Variants in FAM135A observed in about 807,000 individuals in gnomAD.
FAM135A encodes the protein protein FAM135A.
In FAM135A, 79 loss-of-function variants were observed where a neutral mutation model predicts 146.8. The ratio of observed to expected loss-of-function variants is 0.54; its 90% CI spans 0.45 to 0.65. The LOEUF is 0.65. FAM135A is among the 30% of genes least tolerant of loss of function. FAM135A has a pLI of 0.00. For missense variants in FAM135A, 1,623 were observed against 1,758.2 expected, an observed-to-expected ratio of 0.92 and a Z score of 1.38; for synonymous variants, 562 against 603.6, an observed-to-expected ratio of 0.93 and a Z score of 1.01.
intron 10 of FAM135A, chr6:70,486,232 G>A: frequency 1.9e-6 from 3 of 1,613,646 alleles, no homozygotes; most frequent in Non-Finnish European, 2.5e-6. Flanking sequence ...AACACAGAAA[G>A]ACAACCATCT....
At chr6:70,538,533 A>C (rs1438149948) in intron 20 of FAM135A, 132 bp downstream of exon 20, 2 of 450,652 alleles carry the variant, frequency 4.4e-6, no homozygotes, top group Non-Finnish European at 7.6e-6. Flanking sequence ...ATTTCCTAAT[A>C]ATGAAACAGC....
At chr6:70,492,275 A>G (rs958878431) in intron 11 of FAM135A, among the ~76,000 whole-genome samples, 4 of 151,844 alleles carry the variant, frequency 2.6e-5, no homozygotes, top group African/African-American at 4.8e-5. Context: ...TATTAACATC[A>G]GGGTCTATAA....
Position 70,525,460 on chromosome 6 carries a change from G to A in FAM135A, c.2376G>A (p.Val792=), listed in dbSNP as rs761056435. 1.9e-6 allele frequency: 3 copies of A among 1,613,190 alleles called. No homozygotes were observed. Among genetic ancestry groups the A allele is most frequent in the South Asian group, 2.2e-5 (2 of 90,924 alleles). ...ACACTGATTTAGTCTTTGAAACTGT[G>A]CAAGGGCAAGGTCCTTGCAATAGTG... The part of the protein sequence containing the change: ...HPNTDLVFET[V]QGQGPCNSER... The change falls in exon 15 of 22, where the codon GTG becomes GTA. Residue 792 remains valine (V), a synonymous_variant. Coordinates refer to ENST00000418814, the MANE Select transcript of FAM135A (RefSeq NM_001162529.3).
At chr6:70,518,533 A>G (rs571963230) in intron 12 of FAM135A, among the ~76,000 whole-genome samples, 1 of 152,360 alleles carries the variant, frequency 6.6e-6, no homozygotes, top group East Asian at 1.9e-4. Context: ...AGAAAATGCC[A>G]TCTAGGACTT....
intron 15 of FAM135A, among the ~76,000 whole-genome samples, chr6:70,526,924 C>T (rs892558170): frequency 4.0e-5 from 6 of 151,628 alleles, no homozygotes; most frequent in Non-Finnish European, 7.4e-5. Context: ...CATAATATAC[C>T]CTTGGCCAGA....
chr6:70,545,992 C>T (rs9446262), intron 20 of FAM135A, among the ~76,000 whole-genome samples: 2 of 151,824 alleles, frequency 1.3e-5, no homozygotes, highest in East Asian at 1.9e-4. Flanking sequence ...TTTAAAATTA[C>T]GTTGTAGAGA....
In FAM135A at chr6:70,536,269, A is replaced by T; in HGVS notation, c.3975A>T (p.Gly1325=). The T allele has an allele frequency of 6.2e-7, 1 of 1,604,994 alleles. No individual in the cohort carries two copies. The highest frequency in any genetic ancestry group is 8.5e-7 in the Non-Finnish European group (1 of 1,177,510). ...TTTTTTCCTCTTAAAGCTTTATTGGACATTCGTTGGGCAATTTAATAATTC... is the reference window on the plus strand; with the variant it reads ...TTTTTTCCTCTTAAAGCTTTATTGGTCATTCGTTGGGCAATTTAATAATTC... The part of the protein sequence containing the change: ...SLTVSKISFI[G]HSLGNLIIRS... Residue 1325 remains glycine (G), a synonymous_variant, in exon 19 of 22, where the codon GGA becomes GGT. Transcript: ENST00000418814.
chr6:70,475,261 A>G (rs768462476), intron 5 of FAM135A, 149 bp from the exon 6 acceptor site: 13 of 584,208 alleles, frequency 2.2e-5, no homozygotes, highest in Non-Finnish European at 3.6e-5. Flanking sequence ...AAATAAGTAA[A>G]CTTTCAGAAA....
chr6:70,480,912 C>T lies in FAM135A; in HGVS notation c.554C>T (p.Pro185Leu), dbSNP rs1783577319. 1 of 1,610,112 alleles carries T rather than the reference C, an allele frequency of 6.2e-7. No homozygotes were observed. The stretch of plus-strand genomic sequence containing the variant: ...ACTTCTTCCTCCAGCTTTCCTCGCC[C>T]TGTGAAGACAACTTGGTTAAATAGA... ...LHQPLISFPR[P>L]VKTTWLNRNA... The change falls in exon 9 of 22, where the codon CCT (proline) becomes CTT (leucine). Residue 185 changes from proline (P) to leucine (L), a missense_variant. By Grantham distance (98) the Pro-to-Leu change is moderately conservative (BLOSUM62 -3). Around this residue, in one of 7 missense-constraint regions of FAM135A, gnomAD observed 206 missense variants for 194.7 expected, o/e 1.06. Coordinates refer to ENST00000418814, the MANE Select transcript of FAM135A (RefSeq NM_001162529.3).
chr6:70,513,047 A>G (rs1442932389), intron 12 of FAM135A, among the ~76,000 whole-genome samples: 1 of 151,448 alleles, frequency 6.6e-6, no homozygotes, highest in East Asian at 1.9e-4. Flanking sequence ...GACTCTATGG[A>G]ATTGCCTTAA....
intron 8 of FAM135A, among the ~76,000 whole-genome samples, chr6:70,480,166 T>G (rs1783438866): frequency 6.6e-6 from 1 of 152,208 alleles, no homozygotes; most frequent in Non-Finnish European, 1.5e-5. Context: ...TGCTTCTTCC[T>G]CTATGGAATA....
At chr6:70,440,615 G>A (rs1774236446) in intron 4 of FAM135A, among the ~76,000 whole-genome samples, 1 of 152,196 alleles carries the variant, frequency 6.6e-6, no homozygotes, top group Non-Finnish European at 1.5e-5. Context: ...TTGAACCTGG[G>A]AGGCAGAGGT....
At chr6:70,478,336 T>A (rs534619673) in intron 8 of FAM135A, among the ~76,000 whole-genome samples, 1 of 152,332 alleles carries the variant, frequency 6.6e-6, no homozygotes, top group East Asian at 1.9e-4. Flanking sequence ...AGCAGATGGA[T>A]GCTTCAAATC....
intron 5 of FAM135A, among the ~76,000 whole-genome samples, chr6:70,471,021 T>C (rs1781521252): frequency 6.6e-6 from 1 of 152,198 alleles, no homozygotes; most frequent in Admixed American, 6.5e-5. Context: ...TCTAAGAATA[T>C]GGGGATAAAA....
intron 12 of FAM135A, chr6:70,504,203 T>G (rs1054145561): frequency 1.3e-5 from 2 of 152,218 alleles, no homozygotes; most frequent in Non-Finnish European, 2.9e-5. Flanking sequence ...GGCTTTAATT[T>G]GCATTTCTCT....
At chr6:70,480,245 G>A (rs780586840) in intron 8 of FAM135A, among the ~76,000 whole-genome samples, 1 of 151,392 alleles carries the variant, frequency 6.6e-6, no homozygotes, top group Non-Finnish European at 1.5e-5. Flanking sequence ...CTGGAGGCTG[G>A]AGGATTGCTT....
intron 5 of FAM135A, among the ~76,000 whole-genome samples, chr6:70,462,396 G>A (rs17634619): frequency 0.14 from 21,351 of 152,120 alleles, 1,922 homozygotes; most frequent in Middle Eastern, 0.23. Flanking sequence ...ACAATATAAG[G>A]TTGCCAAAAT....
At chr6:70,523,788 A>C (rs189594577) in intron 13 of FAM135A, among the ~76,000 whole-genome samples, 179 bp from the exon 14 acceptor site, 16 of 152,290 alleles carry the variant, frequency 1.1e-4, no homozygotes, top group Admixed American at 1.0e-3. Context: ...TATTGCCAAC[A>C]AACTATCATT....
Position 70,452,577 on chromosome 6 carries a change from C to A in FAM135A, c.157+6C>A. 1.9e-6 allele frequency: 3 copies of A among 1,547,188 alleles called. No homozygotes were observed. Among genetic ancestry groups the A allele is most frequent in the East Asian group, 2.4e-5 (1 of 41,494 alleles). On this transcript the variant is annotated splice_donor_region_variant and intron_variant, in intron 5 of 21. Transcript: ENST00000418814. ...TAGTTTGTTGCATGCAACAGGTAAG[C>A]CAAAGAATACATTCAAATTTAAAAA...
Sources: gnomAD v4.1 joint callset for allele counts (sites outside exome capture counted in the v4.1 genomes callset) on GRCh38, gnomAD v4.1.1 for gene constraint, gnomAD v4.1.1 regional missense constraint, MANE v1.5 for transcripts, NCBI Gene and HGNC (gene_info 2026-07-23, HGNC 2026-07-21) for gene names.